Variants in PTBP3 observed in about 807,000 individuals in gnomAD.
PTBP3 encodes the protein polypyrimidine tract-binding protein 3.
Under a neutral mutation model 58.7 loss-of-function variants are expected in PTBP3, and 20 were observed. The ratio of observed to expected loss-of-function variants is 0.34; its 90% CI spans 0.24 to 0.50. The LOEUF (loss-of-function observed/expected upper bound fraction) is 0.50, where lower values mean the gene tolerates loss of function less well. Ranked by LOEUF, PTBP3 falls within the 20% of genes least tolerant of loss-of-function variation. PTBP3 has a pLI of 0.98. For synonymous variants in PTBP3, 185 were observed against 219.8 expected, an observed-to-expected ratio of 0.84 and a Z score of 1.40; for missense variants, 509 against 637.2, an observed-to-expected ratio of 0.80 and a Z score of 2.17.
At chr9:112,330,901 T>C (rs1403142812) in intron 1 of PTBP3, among the ~76,000 whole-genome samples, 1 of 152,184 alleles carries the variant, frequency 6.6e-6, no homozygotes, top group Non-Finnish European at 1.5e-5. Context: ...GAAGGCATCT[T>C]GCAAATCTGC....
At position 112,285,655 on chromosome 9, in the gene PTBP3, T is replaced by C. The variant is rs144668998; in HGVS notation, c.35-9642A>G. Among the ~76,000 whole-genome samples the C allele has an allele frequency of 3.9e-3, 592 of 152,342 alleles. 3 individuals are homozygous for C. The highest frequency in any genetic ancestry group is 6.9e-3 in the Non-Finnish European group (470 of 68,022). On this transcript the variant is annotated intron_variant, in intron 2 of 13. Coordinates refer to ENST00000374257, the MANE Select transcript of PTBP3 (RefSeq NM_001163788.4). ...CATGAAAGCAGCTATAAACAAATAA[T>C]ATAACTGTGTTCAAATACAATTTTA...
At chr9:112,235,066 T>C (rs1835389384) in intron 7 of PTBP3, among the ~76,000 whole-genome samples, 169 bp from the exon 8 acceptor site, 1 of 152,140 alleles carries the variant, frequency 6.6e-6, no homozygotes. Context: ...CTCTGCCACT[T>C]CCAAAGGCTA....
rs943015791 is a variant in PTBP3 at position 112,220,073 on chromosome 9, T to A, written c.*3778A>T. ...AAGACAAAGGAAAGGCTAAGAAAAATGCTTTACGCATCGTCACGCTGTCTC... is the reference window on the plus strand; with the variant it reads ...AAGACAAAGGAAAGGCTAAGAAAAAAGCTTTACGCATCGTCACGCTGTCTC... On this transcript the variant is annotated 3_prime_UTR_variant, in exon 14 of 14. Coordinates refer to ENST00000374257, the MANE Select transcript of PTBP3 (RefSeq NM_001163788.4). 2 of 1,184,518 alleles carry A rather than the reference T, an allele frequency of 1.7e-6. No homozygotes were observed. Among genetic ancestry groups the A allele is most frequent in the African/African-American group, 3.2e-5 (2 of 61,960 alleles). The allele number at this position is 1,184,518 out of a possible 1,614,324, so 73.4% of individuals were successfully genotyped here. A position where few individuals can be genotyped will look rare whatever the true frequency, so the allele number is the denominator to read the frequency against.
the PTBP3 span, among the ~76,000 whole-genome samples, chr9:112,372,609 A>C: frequency 4.6e-5 from 7 of 152,234 alleles, no homozygotes; most frequent in African/African-American, 1.4e-4. Flanking sequence ...TCTGCTTTCT[A>C]TCTCTACAGA....
chr9:112,302,508 A>G (rs1176761806), intron 1 of PTBP3, among the ~76,000 whole-genome samples: 1 of 151,664 alleles, frequency 6.6e-6, no homozygotes, highest in African/African-American at 2.4e-5. Flanking sequence ...AAAGGCACCT[A>G]GACGAGGTGT....
At chr9:112,296,824 C>A (rs1407462952) in intron 2 of PTBP3, among the ~76,000 whole-genome samples, 1 of 152,168 alleles carries the variant, frequency 6.6e-6, no homozygotes, top group African/African-American at 2.4e-5. Flanking sequence ...ACCCAATTAT[C>A]TAAGTCCAAG....
chr9:112,239,811 AAGGAAGGG>A lies in PTBP3; in HGVS notation c.803-4922_803-4915del, dbSNP rs1274663343. Reference sequence around the variant, plus strand: ...GAGAGGAGGAAGAAGAAAAGGAAGGAAGGAAGGGAGGAAGGGAGGAAGGGAGGGAGGGA... The same window carrying A: ...GAGAGGAGGAAGAAGAAAAGGAAGGAAGGAAGGGAGGAAGGGAGGGAGGGA... On this transcript the variant is annotated intron_variant, in intron 7 of 13. Coordinates refer to ENST00000374257, the MANE Select transcript of PTBP3 (RefSeq NM_001163788.4). Among the ~76,000 whole-genome samples the A allele has an allele frequency of 4.9e-3, 428 of 87,364 alleles. 11 individuals are homozygous for A. Among genetic ancestry groups the A allele is most frequent in the African/African-American group, 0.023 (386 of 17,004 alleles). 57.3% of individuals were successfully genotyped at this position (87,364 alleles called of 152,430 possible).
At chr9:112,317,344 C>G (rs1829750868) in intron 1 of PTBP3, among the ~76,000 whole-genome samples, 1 of 152,016 alleles carries the variant, frequency 6.6e-6, no homozygotes, top group Admixed American at 6.6e-5. Context: ...TCACTTGAGC[C>G]CAGGATCCAC....
rs1247256361 is a variant in PTBP3, at chr9:112,268,715, A to T, written c.205-520T>A. On this transcript the variant is annotated intron_variant, in intron 3 of 13. Transcript: ENST00000374257. ...TAACAGGAGTAAGACACCGTCTCAA[A>T]AAAAAAAAAAAAAAAAAAAAGGATT... Among the ~76,000 whole-genome samples the T allele has an allele frequency of 7.2e-5, 9 of 124,672 alleles. No individual in the cohort carries two copies. The East Asian group carries it at 8.8e-4, about 12-fold the overall frequency. 81.8% of individuals were successfully genotyped at this position (124,672 alleles called of 152,430 possible).
At chr9:112,327,634 G>A (rs1830211383) in intron 1 of PTBP3, among the ~76,000 whole-genome samples, 1 of 152,052 alleles carries the variant, frequency 6.6e-6, no homozygotes, top group Non-Finnish European at 1.5e-5. Flanking sequence ...CTTAATTTTG[G>A]CAAGGCTCAA....
chr9:112,308,351 TAAAAAAAAAAA>T (rs58071863), intron 1 of PTBP3, among the ~76,000 whole-genome samples: 2 of 135,096 alleles, frequency 1.5e-5, no homozygotes, highest in Non-Finnish European at 3.2e-5. Flanking sequence ...TCCTTTTATT[TAAAAAAAAAAA>T]AAAAAAAAAA....
intron 4 of PTBP3, among the ~76,000 whole-genome samples, chr9:112,267,314 C>T (rs941420601): frequency 2.0e-5 from 3 of 152,166 alleles, no homozygotes; most frequent in African/African-American, 4.8e-5. Context: ...TACAGATGAC[C>T]GCCACCACGC....
chr9:112,294,553 C>T (rs1245807490), intron 2 of PTBP3, among the ~76,000 whole-genome samples: 2 of 152,104 alleles, frequency 1.3e-5, no homozygotes, highest in Non-Finnish European at 2.9e-5. Flanking sequence ...CAACAGCAAA[C>T]ATTATATTAA....
At chr9:112,267,613 T>A (rs2132156229) in intron 4 of PTBP3, among the ~76,000 whole-genome samples, 1 of 152,326 alleles carries the variant, frequency 6.6e-6, no homozygotes, top group African/African-American at 2.4e-5. Context: ...AATATTGCTA[T>A]GCTACATTTC....
the PTBP3 span, among the ~76,000 whole-genome samples, chr9:112,348,814 C>T: frequency 7.9e-5 from 12 of 152,116 alleles, no homozygotes; most frequent in Non-Finnish European, 1.5e-4. Context: ...GATCCGCTAA[C>T]AATACCACCC....
At chr9:112,300,558 C>T (rs1828874534) in intron 1 of PTBP3, among the ~76,000 whole-genome samples, 1 of 151,962 alleles carries the variant, frequency 6.6e-6, no homozygotes, top group Admixed American at 6.5e-5. Context: ...CAAGACCATC[C>T]TGGCTAACAT....
chr9:112,378,362 C>G, the PTBP3 span, among the ~76,000 whole-genome samples: 1 of 152,204 alleles, frequency 6.6e-6, no homozygotes, highest in Non-Finnish European at 1.5e-5. Context: ...ATCGTTATGA[C>G]TGAAAAATTG....
chr9:112,246,675 A>G (rs1194081723), intron 7 of PTBP3, among the ~76,000 whole-genome samples: 2 of 151,604 alleles, frequency 1.3e-5, no homozygotes, highest in Non-Finnish European at 2.9e-5. Flanking sequence ...CCTGGGCAAC[A>G]GAGCGAGACT....
At chr9:112,296,466 C>T (rs1200891978) in intron 2 of PTBP3, among the ~76,000 whole-genome samples, 8 of 152,170 alleles carry the variant, frequency 5.3e-5, no homozygotes, top group South Asian at 4.2e-4. Context: ...TTCACTTTCC[C>T]GAACATCTAT....
Sources: allele counts gnomAD v4.1 joint callset (sites outside exome capture counted in the v4.1 genomes callset), GRCh38; gene constraint gnomAD v4.1.1; transcripts MANE v1.5; gene names NCBI Gene and HGNC (gene_info 2026-07-23, HGNC 2026-07-21).